USH2A: variants seen among roughly 807,000 people sequenced by gnomAD.
USH2A encodes the protein Usher syndrome 2A (autosomal recessive, mild).
USH2A carries 443 observed loss-of-function variants against 538.9 expected under a neutral mutation model. The ratio of observed to expected loss-of-function variants is 0.82; its 90% CI spans 0.76 to 0.89. USH2A has a LOEUF of 0.89. USH2A is among the 40% of genes least tolerant of loss of function. The pLI is 0.00. For missense variants in USH2A, 6,633 were observed against 6,324.8 expected (o/e 1.05, Z -1.65); for synonymous variants, 2,413 against 2,273.5 (o/e 1.06, Z -1.75).
intron 15 of USH2A, among the ~76,000 whole-genome samples, chr1:216,210,765 G>T (rs1003370319): frequency 6.6e-6 from 1 of 151,996 alleles, no homozygotes; most frequent in Non-Finnish European, 1.5e-5. Context: ...GGCGGATCAC[G>T]AGGTCAGGAG....
At chr1:215,937,982 T>C (rs1487620607) in intron 37 of USH2A, among the ~76,000 whole-genome samples, 1 of 152,098 alleles carries the variant, frequency 6.6e-6, no homozygotes, top group South Asian at 2.1e-4. Flanking sequence ...CAGGGGGAGA[T>C]ATATAAGTAG....
Position 216,327,584 on chromosome 1 carries a change from T to C in USH2A, c.848+7A>G, listed in dbSNP as rs1186648376. ...TTCTTGAGGTTTACAATGCAACATC[T>C]GCTTACCTGTTTGTAAGTGCCACTT... On this transcript the variant is annotated splice_region_variant and intron_variant, in intron 5 of 71. Coordinates refer to ENST00000307340, the MANE Select transcript of USH2A (RefSeq NM_206933.4). 1.9e-6 allele frequency: 3 copies of C among 1,612,982 alleles called. No homozygotes were observed. The highest frequency in any genetic ancestry group is 2.5e-6 in the Non-Finnish European group (3 of 1,179,386).
intron 38 of USH2A, among the ~76,000 whole-genome samples, chr1:215,910,272 T>A (rs1665747107): frequency 6.6e-6 from 1 of 151,994 alleles, no homozygotes; most frequent in African/African-American, 2.4e-5. Flanking sequence ...ATTAGCTGAT[T>A]AGCAGCTAAT....
At chr1:215,891,457 T>A (rs1665208540) in intron 40 of USH2A, among the ~76,000 whole-genome samples, 1 of 152,210 alleles carries the variant, frequency 6.6e-6, no homozygotes, top group South Asian at 2.1e-4. Flanking sequence ...CATCTAATTC[T>A]ATATACAAAT....
At chr1:215,676,910 C>G (rs1183523920) in intron 62 of USH2A, among the ~76,000 whole-genome samples, 1 of 152,158 alleles carries the variant, frequency 6.6e-6, no homozygotes, top group Non-Finnish European at 1.5e-5. Flanking sequence ...TTTTATTGGT[C>G]TCACTTTAAA....
At chr1:216,192,457 C>T (rs142757868) in intron 19 of USH2A, among the ~76,000 whole-genome samples, 1,820 of 151,692 alleles carry the variant, frequency 0.012, 28 homozygotes, top group African/African-American at 0.041. Context: ...TTTGGGAGAC[C>T]GAGGCGGGTG....
intron 40 of USH2A, among the ~76,000 whole-genome samples, chr1:215,898,956 A>G (rs1200178684): frequency 6.6e-6 from 1 of 152,198 alleles, no homozygotes; most frequent in African/African-American, 2.4e-5. Context: ...CTTGCAAAGT[A>G]GCTAACTTTC....
chr1:215,730,515 A>G (rs1004317889), intron 60 of USH2A, among the ~76,000 whole-genome samples: 2 of 152,200 alleles, frequency 1.3e-5, no homozygotes, highest in African/African-American at 4.8e-5. Flanking sequence ...CCAGGCTGTT[A>G]GAAGTATTTA....
chr1:216,134,983 A>T (rs1231102515), intron 21 of USH2A, among the ~76,000 whole-genome samples: 3 of 152,118 alleles, frequency 2.0e-5, no homozygotes, highest in Admixed American at 6.6e-5. Context: ...GGATTCTCAA[A>T]CTGGCAGATC....
intron 55 of USH2A, among the ~76,000 whole-genome samples, chr1:215,770,712 C>G (rs1558090406): frequency 6.6e-6 from 1 of 152,106 alleles, no homozygotes; most frequent in East Asian, 1.9e-4. Context: ...AACGCCCACA[C>G]TAACTTTCTG....
rs1663535327 is a variant in USH2A, at chr1:215,836,557, A to AATATATAT, written c.9371+1433_9371+1434insATATATAT. 2.6e-4 allele frequency among the ~76,000 whole-genome samples: 5 copies of AATATATAT among 19,214 alleles called. 1 individual carries two copies. Among genetic ancestry groups the AATATATAT allele is most frequent in the South Asian group, 3.1e-3 (2 of 644 alleles). 12.6% of individuals were successfully genotyped at this position (19,214 alleles called of 152,430 possible). ...ATATATATATAATATATATATATAT[A>AATATATAT]TATATATATTTTTTTTTGAGACAGA... On this transcript the variant is annotated intron_variant, in intron 47 of 71. Coordinates refer to ENST00000307340, the MANE Select transcript of USH2A (RefSeq NM_206933.4).
chr1:216,370,017 C>T lies in USH2A; in HGVS notation c.652-4932G>A, dbSNP rs56986321. ...TTTACAGTTACCTAAGGCAGGTTTA[C>T]CTTTTTCTCCATTTTAAAGATAATT... is the stretch of plus-strand genomic sequence containing the variant. On this transcript the variant is annotated intron_variant, in intron 3 of 71. Coordinates refer to ENST00000307340, the MANE Select transcript of USH2A (RefSeq NM_206933.4). Among the ~76,000 whole-genome samples the T allele has an allele frequency of 9.6e-3, 1,455 of 151,536 alleles. 19 individuals carry two copies. Among genetic ancestry groups the T allele is most frequent in the African/African-American group, 0.034 (1,410 of 41,226 alleles).
rs541129822 is a variant in USH2A, at chr1:215,799,768, T to C, written c.9740-643A>G. On this transcript the variant is annotated intron_variant, in intron 49 of 71. Coordinates refer to ENST00000307340, the MANE Select transcript of USH2A (RefSeq NM_206933.4). ...TGGGAGGCCTAGGTGGGTGGATAACTTGAGGCCAGGAGTTCAAGACCAGCC... is the reference window on the plus strand; with the variant it reads ...TGGGAGGCCTAGGTGGGTGGATAACCTGAGGCCAGGAGTTCAAGACCAGCC... 3.9e-5 allele frequency among the ~76,000 whole-genome samples: 6 copies of C among 152,150 alleles called. No homozygotes were observed. The South Asian group carries it at 1.2e-3, about 32-fold the overall frequency.
At chr1:215,734,214 G>A (rs536779110) in intron 60 of USH2A, among the ~76,000 whole-genome samples, 173 of 152,224 alleles carry the variant, frequency 1.1e-3, no homozygotes, top group African/African-American at 4.0e-3. Flanking sequence ...TTTGGTGTAC[G>A]CCCCCTGAAG....
At chr1:215,995,414 A>G (rs1171860706) in intron 34 of USH2A, among the ~76,000 whole-genome samples, 1 of 152,204 alleles carries the variant, frequency 6.6e-6, no homozygotes, top group South Asian at 2.1e-4. Context: ...TTTTGCCCAC[A>G]TTCTTTTTGG....
chr1:215,821,877 A>T (rs1451356103), intron 47 of USH2A, among the ~76,000 whole-genome samples: 1 of 151,886 alleles, frequency 6.6e-6, no homozygotes, highest in Non-Finnish European at 1.5e-5. Context: ...TTTATTAAAA[A>T]GACTGTTTCC....
rs3049512 is a variant in USH2A, at chr1:215,724,220, A to AACAC, written c.12066+3806_12066+3809dup. Among the ~76,000 whole-genome samples, 122 of 147,924 alleles carry AACAC rather than the reference A, an allele frequency of 8.2e-4. 2 individuals are homozygous for AACAC. Among genetic ancestry groups the AACAC allele is most frequent in the Middle Eastern group, 3.5e-3 (1 of 286 alleles). On this transcript the variant is annotated intron_variant, in intron 61 of 71. Transcript: ENST00000307340. ...ATATATGGATATATATAGAATGTGAAACACACACACACACACACACACACA... is the reference window on the plus strand; with the variant it reads ...ATATATGGATATATATAGAATGTGAAACACACACACACACACACACACACACACA...
rs763428189 is a variant in USH2A, at chr1:216,086,705, C to T, written c.4987+14G>A. ...GTTTGGATGACAACATATAATATAC[C>T]TTACTAAACTCACCAGGATCCTTCC... On this transcript the variant is annotated intron_variant, in intron 24 of 71. Coordinates refer to ENST00000307340, the MANE Select transcript of USH2A (RefSeq NM_206933.4). 4.4e-6 allele frequency: 7 copies of T among 1,590,944 alleles called. No homozygotes were observed. The Admixed American group carries it at 8.4e-5, about 19-fold the overall frequency.
chr1:216,271,255 T>G (rs545314193), intron 11 of USH2A, among the ~76,000 whole-genome samples: 2 of 152,084 alleles, frequency 1.3e-5, no homozygotes, highest in Admixed American at 6.6e-5. Flanking sequence ...CCCCAGACTT[T>G]CTATAGGAAG....
Sources: allele counts gnomAD v4.1 joint callset (sites outside exome capture counted in the v4.1 genomes callset), GRCh38; gene constraint gnomAD v4.1.1; transcripts MANE v1.5; gene names NCBI Gene and HGNC (gene_info 2026-07-23, HGNC 2026-07-21).